FRMD4B: variants seen among roughly 807,000 people sequenced by gnomAD.
The protein encoded by FRMD4B is FERM domain-containing protein 4B.
A neutral mutation model predicts 141.5 loss-of-function variants in FRMD4B; 74 were observed. That is an observed-to-expected ratio of 0.52 (90% confidence interval 0.43 to 0.63). The LOEUF is 0.63. FRMD4B is among the 30% of genes least tolerant of loss of function. The probability of loss-of-function intolerance (pLI) is 0.00; values close to 1 mark genes in which losing one functional copy is unlikely to be tolerated. For missense variants in FRMD4B, 1,366 were observed against 1,253.4 expected (o/e 1.09, Z -1.36); for synonymous variants, 506 against 467.9 (o/e 1.08, Z -1.05).
chr3:69,240,085 A>C (rs2093370801), intron 7 of FRMD4B, among the ~76,000 whole-genome samples: 2 of 151,846 alleles, frequency 1.3e-5, no homozygotes, highest in Admixed American at 1.3e-4. Flanking sequence ...CACCCAACAT[A>C]AACATTACTT....
chr3:69,427,330 G>GT (rs918235514), intron 2 of FRMD4B, among the ~76,000 whole-genome samples: 25 of 148,358 alleles, frequency 1.7e-4, no homozygotes, highest in African/African-American at 5.1e-4. Flanking sequence ...TAATATACCT[G>GT]TTTTTTTGGC....
intron 7 of FRMD4B, among the ~76,000 whole-genome samples, chr3:69,229,752 G>A (rs898480299): frequency 1.3e-5 from 2 of 152,106 alleles, no homozygotes; most frequent in Admixed American, 1.3e-4. Flanking sequence ...TCTGTCGCCA[G>A]GCTGCAGTGC....
chr3:69,461,666 C>T (rs1469493733), intron 1 of FRMD4B, among the ~76,000 whole-genome samples: 11 of 138,074 alleles, frequency 8.0e-5, no homozygotes, highest in African/African-American at 2.9e-4. Context: ...ATCATGGACT[C>T]TTAAAACAAA....
At chr3:69,460,449 C>T (rs1705692696) in intron 1 of FRMD4B, among the ~76,000 whole-genome samples, 3 of 152,156 alleles carry the variant, frequency 2.0e-5, no homozygotes, top group Non-Finnish European at 2.9e-5. Flanking sequence ...GGGCAAGTCA[C>T]TTCACTCTTT....
chr3:69,430,813 G>A (rs1286821921), intron 2 of FRMD4B, among the ~76,000 whole-genome samples: 2 of 152,200 alleles, frequency 1.3e-5, no homozygotes, highest in African/African-American at 4.8e-5. Flanking sequence ...ATCAAGTTCA[G>A]CACCTATCAG....
At chr3:69,433,688 A>G (rs1254141871) in intron 1 of FRMD4B, among the ~76,000 whole-genome samples, 1 of 152,248 alleles carries the variant, frequency 6.6e-6, no homozygotes, top group African/African-American at 2.4e-5. Context: ...ATATTCAAGG[A>G]GCTTAACTCA....
chr3:69,386,163 C>T (rs1426994445), upstream of FRMD4B: 1 of 601,418 alleles, frequency 1.7e-6, no homozygotes, highest in Non-Finnish European at 2.8e-6. Context: ...GCGGCATGCC[C>T]TGGGATTGGG....
intron 5 of FRMD4B, among the ~76,000 whole-genome samples, chr3:69,260,555 C>A (rs956151861): frequency 5.3e-5 from 8 of 152,244 alleles, no homozygotes; most frequent in Non-Finnish European, 1.0e-4. Flanking sequence ...CTGAGCCCCC[C>A]CTTGGTGGGC....
chr3:69,540,464 A>C (rs925150304), intron 1 of FRMD4B, among the ~76,000 whole-genome samples: 7 of 150,088 alleles, frequency 4.7e-5, no homozygotes, highest in Non-Finnish European at 7.4e-5. Flanking sequence ...AATACAAAAA[A>C]TTAGCCAGGC....
intron 1 of FRMD4B, among the ~76,000 whole-genome samples, chr3:69,329,739 C>G (rs1179471051): frequency 6.6e-6 from 1 of 151,176 alleles, no homozygotes; most frequent in Non-Finnish European, 1.5e-5. Flanking sequence ...ACTATGTTGA[C>G]CAGGCTGGTC....
At chr3:69,415,730 G>A (rs1324297695) in intron 2 of FRMD4B, among the ~76,000 whole-genome samples, 2 of 152,212 alleles carry the variant, frequency 1.3e-5, no homozygotes, top group African/African-American at 4.8e-5. Context: ...TTATTAATGG[G>A]ACTATTTAAT....
chr3:69,456,269 C>T (rs6804346), intron 1 of FRMD4B, among the ~76,000 whole-genome samples: 52,504 of 151,884 alleles, frequency 0.35, 9,618 homozygotes, highest in African/African-American at 0.46. Context: ...AAAACGCCAA[C>T]CGAGGTAGAA....
chr3:69,536,789 C>T, intron 1 of FRMD4B: 4 of 445,104 alleles, frequency 9.0e-6, no homozygotes, highest in Middle Eastern at 1.4e-3. Context: ...CTCTGTCGCT[C>T]AGGCTGGAGT....
intron 1 of FRMD4B, among the ~76,000 whole-genome samples, chr3:69,500,191 C>T (rs925159408): frequency 2.6e-5 from 4 of 152,126 alleles, no homozygotes; most frequent in Admixed American, 6.5e-5. Context: ...GAGCTGTCCC[C>T]GGGCTGCTCT....
chr3:69,243,342 G>A (rs532499064), intron 7 of FRMD4B, among the ~76,000 whole-genome samples: 3 of 152,208 alleles, frequency 2.0e-5, no homozygotes, highest in Non-Finnish European at 2.9e-5. Flanking sequence ...CTAGGAAGAA[G>A]AGTTTGAACA....
intron 22 of FRMD4B, among the ~76,000 whole-genome samples, chr3:69,174,846 A>T (rs1472263894): frequency 1.3e-5 from 2 of 152,226 alleles, no homozygotes; most frequent in Non-Finnish European, 1.5e-5. Context: ...ATATATTATT[A>T]AAAAATGGTT....
At chr3:69,492,431 T>C (rs932819574) in intron 1 of FRMD4B, among the ~76,000 whole-genome samples, 2 of 152,224 alleles carry the variant, frequency 1.3e-5, no homozygotes, top group Non-Finnish European at 2.9e-5. Flanking sequence ...TGAGCAGGTC[T>C]CTTTGATTTG....
chr3:69,198,727 T>C lies in FRMD4B; in HGVS notation c.924A>G (p.Lys308=). 6.4e-7 allele frequency: 1 copy of C among 1,568,494 alleles called. No individual in the cohort carries two copies. The highest frequency in any genetic ancestry group is 8.7e-7 in the Non-Finnish European group (1 of 1,149,874). ...GTGGATCATGAACTTCAACAGCAAA[T>C]TTTTTCTCACGGAAATATAAGTTCT... The part of the protein sequence containing the change: ...QLENLYFREK[K]FAVEVHDPRR... The change falls in exon 12 of 23, where the codon AAA becomes AAG. Residue 308 remains lysine, a synonymous_variant. Coordinates refer to ENST00000398540, the MANE Select transcript of FRMD4B (RefSeq NM_015123.3).
intron 22 of FRMD4B, among the ~76,000 whole-genome samples, chr3:69,174,173 TA>T (rs1386715303): frequency 6.7e-6 from 1 of 149,982 alleles, no homozygotes; most frequent in Non-Finnish European, 1.5e-5. Context: ...AGTACTTTTA[TA>T]AAAAAAAGAA....
Sources: allele counts gnomAD v4.1 joint callset (sites outside exome capture counted in the v4.1 genomes callset), GRCh38; gene constraint gnomAD v4.1.1; transcripts MANE v1.5; gene names NCBI Gene and HGNC (gene_info 2026-07-23, HGNC 2026-07-21).